VTA1: variants seen among roughly 807,000 people sequenced by gnomAD.
VTA1 encodes the protein vacuolar protein sorting-associated protein VTA1 homolog.
In VTA1, 24 loss-of-function variants were observed where a neutral mutation model predicts 36.9. The observed-to-expected ratio is 0.65, with a 90% confidence interval of 0.47 to 0.91. The LOEUF is 0.91. Among genes scored for constraint, VTA1 ranks in the 40% least tolerant of loss-of-function variants. The pLI is 0.00. For synonymous variants in VTA1, 142 were observed against 130.2 expected, an observed-to-expected ratio of 1.09 and a Z score of -0.62; for missense variants, 393 against 377.2, an observed-to-expected ratio of 1.04 and a Z score of -0.35.
chr6:142,200,592 A>G (rs147182712), intron 6 of VTA1, among the ~76,000 whole-genome samples: 2 of 152,110 alleles, frequency 1.3e-5, no homozygotes, highest in East Asian at 3.9e-4. Flanking sequence ...TGAAATTGCT[A>G]GTTTTGTGTA....
At chr6:142,208,414 A>G (rs1042946172) in intron 7 of VTA1, among the ~76,000 whole-genome samples, 9 of 152,156 alleles carry the variant, frequency 5.9e-5, no homozygotes, top group Non-Finnish European at 1.0e-4. Context: ...AAGAGAATGA[A>G]AAGGACTGGC....
intron 2 of VTA1, 30 bp downstream of exon 2, chr6:142,166,352 G>A (rs1222387432): frequency 6.8e-7 from 1 of 1,478,656 alleles, no homozygotes; most frequent in South Asian, 1.2e-5. Flanking sequence ...TTTATTTTCT[G>A]GTTATGGTTA....
intron 5 of VTA1, among the ~76,000 whole-genome samples, chr6:142,191,478 G>A (rs2114666998): frequency 6.6e-6 from 1 of 152,098 alleles, no homozygotes; most frequent in Non-Finnish European, 1.5e-5. Context: ...GTTATTGTAG[G>A]CCCTTACGAT....
At chr6:142,168,207 A>C (rs1450401639) in intron 2 of VTA1, among the ~76,000 whole-genome samples, 1 of 152,176 alleles carries the variant, frequency 6.6e-6, no homozygotes, top group Non-Finnish European at 1.5e-5. Flanking sequence ...CTACAATGAA[A>C]TCTGCCTTTA....
chr6:142,149,183 T>G (rs1211190219), intron 1 of VTA1, among the ~76,000 whole-genome samples: 1 of 152,248 alleles, frequency 6.6e-6, no homozygotes, highest in African/African-American at 2.4e-5. Flanking sequence ...AAGTTAGCTT[T>G]ACGCCTTTAT....
At chr6:142,163,932 A>T (rs1774862413) in intron 1 of VTA1, among the ~76,000 whole-genome samples, 1 of 152,192 alleles carries the variant, frequency 6.6e-6, no homozygotes, top group South Asian at 2.1e-4. Flanking sequence ...TTAAAGAATT[A>T]GATAAAATAT....
chr6:142,151,127 T>C (rs925543755), intron 1 of VTA1, among the ~76,000 whole-genome samples: 5 of 152,086 alleles, frequency 3.3e-5, no homozygotes, highest in African/African-American at 1.2e-4. Context: ...TAGCAGCCAT[T>C]GTTAGGTCAT....
At chr6:142,206,859 A>T (rs1420663419) in intron 7 of VTA1, among the ~76,000 whole-genome samples, 1 of 152,234 alleles carries the variant, frequency 6.6e-6, no homozygotes, top group African/African-American at 2.4e-5. Context: ...CGTTTCAATA[A>T]ATGGTGCTGG....
intron 4 of VTA1, among the ~76,000 whole-genome samples, chr6:142,188,208 C>T (rs1465711965): frequency 2.1e-5 from 3 of 145,896 alleles, no homozygotes; most frequent in Non-Finnish European, 4.5e-5. Context: ...TGTGCCTAGC[C>T]CTCTATTTCT....
intron 5 of VTA1, among the ~76,000 whole-genome samples, chr6:142,194,846 T>C (rs1775517121): frequency 6.6e-6 from 1 of 152,126 alleles, no homozygotes; most frequent in Non-Finnish European, 1.5e-5. Context: ...TGCTGAGAAG[T>C]TTTGTCATAA....
In VTA1 at chr6:142,224,309, A is replaced by G. The variant is rs1418904355; in HGVS notation, c.*5666A>G. On this transcript the variant is annotated 3_prime_UTR_variant, in exon 8 of 8. Coordinates refer to ENST00000367630, the MANE Select transcript of VTA1 (RefSeq NM_016485.5). Reference sequence around the variant, plus strand: ...GTCTTTTCGACCCCTCGGCTATGTTATTTGTATTGTGATATAGGGGATATT... The same window carrying G: ...GTCTTTTCGACCCCTCGGCTATGTTGTTTGTATTGTGATATAGGGGATATT... 1 of 152,154 alleles carries G rather than the reference A, an allele frequency of 6.6e-6. No individual in the cohort carries two copies. The highest frequency in any genetic ancestry group is 1.5e-5 in the Non-Finnish European group (1 of 68,028). The allele number at this position is 152,154 out of a possible 1,614,324, so 9.4% of individuals were successfully genotyped here. A position where few individuals can be genotyped will look rare whatever the true frequency, so the allele number is the denominator to read the frequency against.
At chr6:142,190,008 T>C (rs771250803) in intron 5 of VTA1, among the ~76,000 whole-genome samples, 50 of 152,226 alleles carry the variant, frequency 3.3e-4, no homozygotes, top group Admixed American at 5.2e-4. Flanking sequence ...CCGCCCACCT[T>C]GGCCTCCCAA....
chr6:142,148,962 A>G (rs1778513475), intron 1 of VTA1, among the ~76,000 whole-genome samples: 1 of 152,194 alleles, frequency 6.6e-6, no homozygotes, highest in Admixed American at 6.5e-5. Flanking sequence ...TCTCATCCCT[A>G]AAGGAAATTC....
intron 4 of VTA1, among the ~76,000 whole-genome samples, chr6:142,174,648 T>C (rs900161938): frequency 1.2e-4 from 19 of 152,252 alleles, no homozygotes; most frequent in African/African-American, 4.6e-4. Context: ...AATTGTATAG[T>C]TTGGATGTTT....
At chr6:142,188,362 G>A (rs779879543) in intron 4 of VTA1, among the ~76,000 whole-genome samples, 25 of 147,276 alleles carry the variant, frequency 1.7e-4, no homozygotes, top group African/African-American at 4.3e-4. Context: ...CTACAGGCAC[G>A]TGCCACCACG....
At chr6:142,188,257 A>G (rs1423114469) in intron 4 of VTA1, among the ~76,000 whole-genome samples, 3 of 84,540 alleles carry the variant, frequency 3.5e-5, no homozygotes, top group Non-Finnish European at 6.7e-5. Context: ...TTTTTTTGAG[A>G]CAGAGTCTCT....
intron 1 of VTA1, among the ~76,000 whole-genome samples, chr6:142,161,088 C>G (rs910792731): frequency 2.1e-5 from 3 of 143,840 alleles, no homozygotes; most frequent in African/African-American, 7.9e-5. Context: ...TCCCCCCCCC[C>G]CCTTTTTTTG....
intron 6 of VTA1, among the ~76,000 whole-genome samples, chr6:142,201,265 A>G (rs548471625): frequency 6.6e-6 from 1 of 152,080 alleles, no homozygotes; most frequent in South Asian, 2.1e-4. Context: ...TATAAATAAT[A>G]GCAAATGTTT....
chr6:142,159,866 T>C (rs225641), intron 1 of VTA1, among the ~76,000 whole-genome samples: 53,940 of 151,860 alleles, frequency 0.36, 10,800 homozygotes, highest in Middle Eastern at 0.52. Flanking sequence ...GTATATTCCA[T>C]TTCTCCTTTC....
Sources: gnomAD v4.1 joint callset for allele counts (sites outside exome capture counted in the v4.1 genomes callset) on GRCh38, gnomAD v4.1.1 for gene constraint, MANE v1.5 for transcripts, NCBI Gene and HGNC (gene_info 2026-07-23, HGNC 2026-07-21) for gene names.